The following ATG4A variants were observed in gnomAD, a reference collection of about 807,000 sequenced individuals.
ATG4A encodes cysteine protease ATG4A.
A neutral mutation model predicts 38.4 loss-of-function variants in ATG4A; 22 were observed. The ratio of observed to expected loss-of-function variants is 0.57; its 90% CI spans 0.41 to 0.82. The LOEUF (loss-of-function observed/expected upper bound fraction) is 0.82, where lower values mean the gene tolerates loss of function less well. Ranked by LOEUF, ATG4A falls within the 40% of genes least tolerant of loss-of-function variation. The pLI, the probability that ATG4A is intolerant of heterozygous loss-of-function variation, is 0.00. For synonymous variants in ATG4A, 86 were observed against 100.7 expected (o/e 0.85, Z 0.88); for missense variants, 220 against 290.0 (o/e 0.76, Z 1.75).
chrX:108,133,936 C>T (rs1196477431), intron 4 of ATG4A, 121 bp from the exon 5 acceptor site: 2 of 497,255 alleles, frequency 4.0e-6, no homozygotes, highest in African/African-American at 4.9e-5. Context: ...CTAACTTGGT[C>T]ATCCCTGCCT....
intron 1 of ATG4A, among the ~76,000 whole-genome samples, chrX:108,125,059 C>G (rs1369282121): frequency 8.9e-6 from 1 of 111,815 alleles, no homozygotes; most frequent in Non-Finnish European, 1.9e-5. Context: ...AATAAACTAT[C>G]AATTTAAATT....
intron 4 of ATG4A, among the ~76,000 whole-genome samples, chrX:108,133,036 C>A (rs1307015537): frequency 8.9e-6 from 1 of 112,086 alleles, no homozygotes; most frequent in African/African-American, 3.2e-5. Context: ...TAGGATTTCC[C>A]CAGACTTGGA....
rs373588343 is a variant in ATG4A, at chrX:108,091,859, G to C, written c.10+23G>C. ...CAGGTACGGGGAGCGGCTTTGAGTG[G>C]AACCGTGTGAAAGAGCCGGGGTGGG... On this transcript the variant is annotated intron_variant, in intron 1 of 12. Transcript: ENST00000372232. 4.1e-6 allele frequency: 5 copies of C among 1,209,141 alleles called. No individual in the cohort carries two copies. The African/African-American group carries it at 8.8e-5, about 21-fold the overall frequency.
At chrX:108,139,441 C>T (rs973536389) in intron 9 of ATG4A, among the ~76,000 whole-genome samples, 3 of 112,235 alleles carry the variant, frequency 2.7e-5, no homozygotes, top group African/African-American at 6.5e-5. Context: ...TTTCCTTTGC[C>T]AGCCCCTTCT....
chrX:108,137,884 A>G lies in ATG4A; in HGVS notation c.628A>G (p.Ser210Gly). ...CGATTCTTTAACTGCTTCAAACCAG[A>G]GTAAGGGCACCTCTGCCTACTGCTC... ...PPDSLTASNQ[S>G]KGTSAYCSAW... Residue 210 changes from serine to glycine, a missense_variant, in exon 8 of 13, where the codon AGT (serine) becomes GGT (glycine). By Grantham distance (56) the Ser-to-Gly change is moderately conservative (BLOSUM62 0). This residue lies in a region of ATG4A where 159 missense variants were observed against 188.9 expected (regional missense o/e 0.84). Coordinates refer to ENST00000372232, the MANE Select transcript of ATG4A (RefSeq NM_052936.5). 1.7e-6 allele frequency: 2 copies of G among 1,207,410 alleles called. No individual in the cohort carries two copies. Among genetic ancestry groups the G allele is most frequent in the Non-Finnish European group, 2.2e-6 (2 of 893,767 alleles).
intron 9 of ATG4A, among the ~76,000 whole-genome samples, chrX:108,144,928 C>A (rs2033387822): frequency 8.9e-6 from 1 of 112,272 alleles, no homozygotes; most frequent in Admixed American, 9.4e-5. Flanking sequence ...GAAAGATTTC[C>A]CTTCAATGGG....
chrX:108,146,963 C>T (rs778732930), intron 9 of ATG4A, among the ~76,000 whole-genome samples: 1 of 112,039 alleles, frequency 8.9e-6, no homozygotes, highest in East Asian at 2.8e-4. Flanking sequence ...CACCATTATC[C>T]CACACCCTTA....
chrX:108,150,986 G>C (rs1276063195), intron 10 of ATG4A, among the ~76,000 whole-genome samples: 1 of 112,232 alleles, frequency 8.9e-6, no homozygotes, highest in African/African-American at 3.2e-5. Context: ...CTTAGCACTG[G>C]GCCTGGCACA....
chrX:108,140,570 T>C (rs1232206439), intron 9 of ATG4A, among the ~76,000 whole-genome samples: 1 of 102,486 alleles, frequency 9.8e-6, no homozygotes, highest in Non-Finnish European at 2.0e-5. Flanking sequence ...CACACACACA[T>C]TTATACATAT....
chrX:108,115,256 A>G (rs889219891), intron 1 of ATG4A, among the ~76,000 whole-genome samples: 1 of 110,673 alleles, frequency 9.0e-6, no homozygotes, highest in African/African-American at 3.3e-5. Context: ...AATCTAGTAT[A>G]GAGACTTACC....
At position 108,124,953 on chromosome X, in the gene ATG4A, G is replaced by A. The variant is rs762930823; in HGVS notation, c.11-1124G>A. ...TCTCTGTGTTCCCTTCCTCACAGGG[G>A]CTGAGGAGCCCCCATGAGTTGAGAG... On this transcript the variant is annotated intron_variant, in intron 1 of 12. Transcript: ENST00000372232. Among the ~76,000 whole-genome samples the A allele has an allele frequency of 1.3e-4, 15 of 111,538 alleles. No individual in the cohort carries two copies. The South Asian group carries it at 5.7e-3, about 42-fold the overall frequency.
At chrX:108,122,915 C>T (rs1259378922) in intron 1 of ATG4A, among the ~76,000 whole-genome samples, 1 of 111,929 alleles carries the variant, frequency 8.9e-6, no homozygotes, top group Non-Finnish European at 1.9e-5. Context: ...GCACATGCTC[C>T]GGAAAGACCT....
intron 1 of ATG4A, among the ~76,000 whole-genome samples, chrX:108,113,090 C>G (rs1346687886): frequency 9.0e-6 from 1 of 110,954 alleles, no homozygotes; most frequent in African/African-American, 3.3e-5. Flanking sequence ...CTTCTCTAGT[C>G]CATTTTTTTT....
chrX:108,119,366 T>G (rs1281699850), intron 1 of ATG4A, among the ~76,000 whole-genome samples: 1 of 111,776 alleles, frequency 8.9e-6, no homozygotes, highest in Non-Finnish European at 1.9e-5. Flanking sequence ...TATTGGACAG[T>G]GTAGGTGTGG....
intron 9 of ATG4A, among the ~76,000 whole-genome samples, chrX:108,144,064 A>T (rs1481584925): frequency 9.0e-6 from 1 of 111,293 alleles, no homozygotes; most frequent in East Asian, 2.9e-4. Context: ...TTAGCCATAA[A>T]GTGAGTGCCT....
chrX:108,150,847 C>T (rs1747499468), intron 10 of ATG4A, among the ~76,000 whole-genome samples: 1 of 112,196 alleles, frequency 8.9e-6, no homozygotes, highest in African/African-American at 3.2e-5. Flanking sequence ...ACCACCAAAC[C>T]GTATCACTAA....
chrX:108,127,818 G>A, intron 2 of ATG4A, among the ~76,000 whole-genome samples: 1 of 111,895 alleles, frequency 8.9e-6, no homozygotes, highest in Non-Finnish European at 1.9e-5. Flanking sequence ...GAGGGAGAGA[G>A]GTGACTAAGA....
At chrX:108,094,302 C>T (rs1163545415) in intron 1 of ATG4A, among the ~76,000 whole-genome samples, 1 of 111,796 alleles carries the variant, frequency 8.9e-6, no homozygotes, top group African/African-American at 3.3e-5. Flanking sequence ...TAGAAATTGT[C>T]CTAGCACCAT....
At chrX:108,129,564 T>G (rs977017187) in intron 3 of ATG4A, among the ~76,000 whole-genome samples, 2 of 109,838 alleles carry the variant, frequency 1.8e-5, no homozygotes, top group African/African-American at 6.6e-5. Context: ...ACTTTTCTTT[T>G]CTTTCTTTTT....
Sources: gnomAD v4.1 joint callset for allele counts (sites outside exome capture counted in the v4.1 genomes callset) on GRCh38, gnomAD v4.1.1 for gene constraint, gnomAD v4.1.1 regional missense constraint, MANE v1.5 for transcripts, NCBI Gene and HGNC (gene_info 2026-07-23, HGNC 2026-07-21) for gene names.